JAK2: variants seen among roughly 807,000 people sequenced by gnomAD.
The protein encoded by JAK2 is tyrosine-protein kinase JAK2.
JAK2 carries 86 observed loss-of-function variants against 139.3 expected under a neutral mutation model. The ratio of observed to expected loss-of-function variants is 0.62; its 90% CI spans 0.52 to 0.74. The LOEUF (loss-of-function observed/expected upper bound fraction) is 0.74. Ranked by LOEUF, JAK2 falls within the 30% of genes least tolerant of loss-of-function variation. The probability of loss-of-function intolerance (pLI) is 0.00; values close to 1 mark genes in which losing one functional copy is unlikely to be tolerated. For synonymous variants in JAK2, 490 were observed against 437.7 expected, an observed-to-expected ratio of 1.12 and a Z score of -1.49; for missense variants, 1,421 against 1,360.3, an observed-to-expected ratio of 1.04 and a Z score of -0.70.
At chr9:5,039,222 C>T (rs1350484772) in intron 4 of JAK2, among the ~76,000 whole-genome samples, 2 of 152,072 alleles carry the variant, frequency 1.3e-5, no homozygotes, top group Non-Finnish European at 2.9e-5. Context: ...AAATTGTAGT[C>T]ATCCCGCTGT....
chr9:5,010,885 A>T (rs10974912), intron 2 of JAK2, among the ~76,000 whole-genome samples: 1 of 152,052 alleles, frequency 6.6e-6, no homozygotes. Flanking sequence ...CAGATCCAGT[A>T]GTATGAGAAT....
At chr9:5,125,267 T>G (rs1823900773) in intron 23 of JAK2, among the ~76,000 whole-genome samples, 1 of 151,042 alleles carries the variant, frequency 6.6e-6, no homozygotes, top group African/African-American at 2.4e-5. Context: ...TAAATATATA[T>G]TATTTTATAA....
chr9:5,046,311 C>T lies in JAK2; in HGVS notation c.468+1791C>T, dbSNP rs532321096. Among the ~76,000 whole-genome samples the T allele has an allele frequency of 7.9e-5, 12 of 152,210 alleles. No homozygotes were observed. In the South Asian group the frequency reaches 2.5e-3, roughly 32 times the overall value. ...GAAATTATTATTCTGGATCTTAACTCCTTATAAGATACATGATTTGTAGAT... is the reference window on the plus strand; with the variant it reads ...GAAATTATTATTCTGGATCTTAACTTCTTATAAGATACATGATTTGTAGAT... On this transcript the variant is annotated intron_variant, in intron 5 of 24. Coordinates refer to ENST00000381652, the MANE Select transcript of JAK2 (RefSeq NM_004972.4).
intron 2 of JAK2, among the ~76,000 whole-genome samples, chr9:4,999,508 G>A (rs1428871546): frequency 1.3e-5 from 2 of 152,032 alleles, no homozygotes; most frequent in African/African-American, 4.8e-5. Context: ...AACATATTAG[G>A]GTTCTCTAGA....
chr9:5,104,648 G>A (rs957710955), intron 22 of JAK2, among the ~76,000 whole-genome samples: 2 of 152,118 alleles, frequency 1.3e-5, no homozygotes, highest in African/African-American at 4.8e-5. Context: ...ACGTCGATGT[G>A]AAAATCCTCA....
chr9:5,046,112 A>G (rs1278267139), intron 5 of JAK2, among the ~76,000 whole-genome samples: 1 of 152,140 alleles, frequency 6.6e-6, no homozygotes, highest in Non-Finnish European at 1.5e-5. Flanking sequence ...TTTGATGCAT[A>G]CTTCTCTAAC....
chr9:5,080,892 C>CTT (rs33925764), intron 18 of JAK2, among the ~76,000 whole-genome samples: 138 of 95,590 alleles, frequency 1.4e-3, no homozygotes, highest in Non-Finnish European at 2.2e-3. Context: ...AAGACCTTTT[C>CTT]TTTTTTTTTT....
chr9:5,104,618 T>C (rs1821803606), intron 22 of JAK2, among the ~76,000 whole-genome samples: 1 of 152,130 alleles, frequency 6.6e-6, no homozygotes, highest in South Asian at 2.1e-4. Context: ...AAAATAATTT[T>C]AGACCAATAT....
intron 2 of JAK2, among the ~76,000 whole-genome samples, chr9:5,019,340 AT>A (rs1406255630): frequency 6.6e-6 from 1 of 151,900 alleles, no homozygotes; most frequent in Non-Finnish European, 1.5e-5. Context: ...TGTATTTTTT[AT>A]TTCATTAAAT....
At chr9:5,063,763 T>C (rs1818351573) in intron 8 of JAK2, among the ~76,000 whole-genome samples, 1 of 152,256 alleles carries the variant, frequency 6.6e-6, no homozygotes, top group Non-Finnish European at 1.5e-5. Context: ...TTTTTCATTA[T>C]ATAACTGACT....
At chr9:5,018,344 T>C (rs73393425) in intron 2 of JAK2, among the ~76,000 whole-genome samples, 175 of 152,270 alleles carry the variant, frequency 1.1e-3, no homozygotes, top group African/African-American at 4.1e-3. Context: ...TTTGTTTCTT[T>C]TTTGAGACAG....
chr9:5,041,568 C>T (rs1165971631), intron 4 of JAK2: 7 of 519,164 alleles, frequency 1.3e-5, no homozygotes, highest in East Asian at 1.1e-4. Context: ...GGCTACGTAC[C>T]TGCACTACGT....
chr9:5,023,469 T>C (rs1193275193), intron 3 of JAK2, among the ~76,000 whole-genome samples: 1 of 152,146 alleles, frequency 6.6e-6, no homozygotes, highest in Non-Finnish European at 1.5e-5. Flanking sequence ...ACTTCCTCAC[T>C]GGAATAGGAA....
At chr9:5,002,963 G>A (rs1821015773) in intron 2 of JAK2, among the ~76,000 whole-genome samples, 1 of 151,938 alleles carries the variant, frequency 6.6e-6, no homozygotes, top group Non-Finnish European at 1.5e-5. Flanking sequence ...TGAATAACCA[G>A]TTGACTAAGC....
At chr9:5,124,212 A>T (rs1417989715) in intron 23 of JAK2, among the ~76,000 whole-genome samples, 3 of 151,822 alleles carry the variant, frequency 2.0e-5, no homozygotes, top group Non-Finnish European at 4.4e-5. Context: ...TTTTTAGCTT[A>T]ATAAAGTCTC....
intron 4 of JAK2, among the ~76,000 whole-genome samples, chr9:5,040,251 T>A (rs766323269): frequency 6.6e-6 from 1 of 151,862 alleles, no homozygotes; most frequent in Non-Finnish European, 1.5e-5. Flanking sequence ...GATATCCACA[T>A]GTAAACTAAT....
At chr9:5,088,727 T>C (rs1443836135) in intron 19 of JAK2, among the ~76,000 whole-genome samples, 1 of 152,228 alleles carries the variant, frequency 6.6e-6, no homozygotes, top group African/African-American at 2.4e-5. Flanking sequence ...GTGAGGTTTC[T>C]TCTTGGCTTG....
In JAK2 at chr9:5,013,058, A is replaced by G. The variant is rs528915290; in HGVS notation, c.-25-8905A>G. ...CAGTACATATTGATGGACTGGATAT[A>G]GGGGTGAAAAAAGAGAAGAATAAAG... On this transcript the variant is annotated intron_variant, in intron 2 of 24. Transcript: ENST00000381652. Among the ~76,000 whole-genome samples, 8 of 152,360 alleles carry G rather than the reference A, an allele frequency of 5.3e-5. No individual in the cohort carries two copies. The East Asian group carries it at 9.6e-4, about 18-fold the overall frequency.
At chr9:5,040,683 T>C (rs908454501) in intron 4 of JAK2, among the ~76,000 whole-genome samples, 1 of 152,230 alleles carries the variant, frequency 6.6e-6, no homozygotes. Flanking sequence ...AAATAAGATA[T>C]ACAAATGGCC....
Sources: allele counts gnomAD v4.1 joint callset (sites outside exome capture counted in the v4.1 genomes callset), GRCh38; gene constraint gnomAD v4.1.1; transcripts MANE v1.5; gene names NCBI Gene and HGNC (gene_info 2026-07-23, HGNC 2026-07-21).